Variants in MGST1 observed in about 807,000 individuals in gnomAD.
The protein encoded by MGST1 is glutathione S-transferase 12.
A neutral mutation model predicts 8.9 loss-of-function variants in MGST1; 5 were observed. The ratio of observed to expected loss-of-function variants is 0.56; its 90% CI spans 0.29 to 1.19. MGST1 has a LOEUF of 1.19. Ranked by LOEUF, MGST1 falls within the 50% of genes most tolerant of loss-of-function variation. MGST1 has a pLI of 0.08. For missense variants in MGST1, 182 were observed against 187.4 expected (o/e 0.97, Z 0.17); for synonymous variants, 54 against 67.8 (o/e 0.80, Z 1.00).
chr12:16,456,669 A>G (rs1283748896), intron 4 of MGST1, among the ~76,000 whole-genome samples: 1 of 151,924 alleles, frequency 6.6e-6, no homozygotes, highest in African/African-American at 2.4e-5. Context: ...TTTTGGAAGT[A>G]TTATAAATTA....
At chr12:16,468,230 A>T (rs1365019349) in intron 4 of MGST1, among the ~76,000 whole-genome samples, 1 of 152,178 alleles carries the variant, frequency 6.6e-6, no homozygotes, top group African/African-American at 2.4e-5. Context: ...AAAGGTGAGT[A>T]TCGGCATCAT....
chr12:16,485,135 A>G (rs993999741), intron 4 of MGST1, among the ~76,000 whole-genome samples: 9 of 152,110 alleles, frequency 5.9e-5, no homozygotes, highest in Admixed American at 3.9e-4. Context: ...TTAAAACCCT[A>G]TCTGCTCTTG....
At chr12:16,399,781 C>G in intron 1 of MGST1, 1 of 1,185,878 alleles carries the variant, frequency 8.4e-7, no homozygotes, top group Non-Finnish European at 1.3e-6. Context: ...TTCAACCATT[C>G]CTTGATGGGT....
At chr12:16,387,460 A>T (rs7964084) in intron 1 of MGST1, among the ~76,000 whole-genome samples, 242 of 151,814 alleles carry the variant, frequency 1.6e-3, no homozygotes, top group Non-Finnish European at 2.0e-3. Flanking sequence ...CCACTCACTC[A>T]CTGACTCACC....
rs1211996312 is a variant in MGST1, at chr12:16,547,236, T to TAA, written n.483-42291_483-42290dup. Among the ~76,000 whole-genome samples the TAA allele has an allele frequency of 6.6e-6, 1 of 152,110 alleles. No individual in the cohort carries two copies. The highest frequency in any genetic ancestry group is 1.5e-5 in the Non-Finnish European group (1 of 68,012). On this transcript the variant is annotated intron_variant and non_coding_transcript_variant, in intron 4 of 4. Coordinates refer to the MGST1 transcript ENST00000538857. The surrounding 1 kb of genome is among the most constrained non-coding windows in gnomAD (Gnocchi z 4.6). Reference sequence around the variant, plus strand: ...AAACTTGACACTGGTTTCAGCCAAATAATGGACCAGTTGCAAACAACGAAT... The same window carrying TAA: ...AAACTTGACACTGGTTTCAGCCAAATAAAATGGACCAGTTGCAAACAACGAAT...
At chr12:16,592,259 C>A (rs1280883429), downstream of MGST1, among the ~76,000 whole-genome samples, 1 of 151,982 alleles carries the variant, frequency 6.6e-6, no homozygotes, top group East Asian at 1.9e-4. Context: ...ATCATAAACA[C>A]AAACCCCAAT....
chr12:16,429,368 T>A (rs1299451849), intron 1 of MGST1, among the ~76,000 whole-genome samples: 1 of 152,150 alleles, frequency 6.6e-6, no homozygotes, highest in Non-Finnish European at 1.5e-5. Context: ...CTTTTGATAG[T>A]CTTAACTGGC....
chr12:16,362,697 C>T lies in MGST1; in HGVS notation c.222-1098C>T, dbSNP rs1183007048. On this transcript the variant is annotated intron_variant, in intron 3 of 3. Coordinates refer to ENST00000396210, the MANE Select transcript of MGST1 (RefSeq NM_020300.5). The surrounding 1 kb of genome is among the most constrained non-coding windows in gnomAD (Gnocchi z 4.4). ...GCATGATGGCTTGCACCTATAAACC[C>T]AGTGTTTTGGGAGGCTGAGGCTGGA... The T allele has an allele frequency of 6.6e-6, 1 of 151,994 alleles. No homozygotes were observed. The highest frequency in any genetic ancestry group is 1.5e-5 in the Non-Finnish European group (1 of 68,016). The allele number at this position is 151,994 out of a possible 1,614,324, so 9.4% of individuals were successfully genotyped here.
Position 16,576,946 on chromosome 12 carries a change from C to G in MGST1, n.483-12582C>G, listed in dbSNP as rs555764112. Among the ~76,000 whole-genome samples, 24 of 152,172 alleles carry G rather than the reference C, an allele frequency of 1.6e-4. No individual in the cohort carries two copies. The highest frequency in any genetic ancestry group is 1.2e-3 in the South Asian group (6 of 4,818). On this transcript the variant is annotated intron_variant and non_coding_transcript_variant, in intron 4 of 4. Coordinates refer to the MGST1 transcript ENST00000538857. The surrounding 1 kb of genome is among the most constrained non-coding windows in gnomAD (Gnocchi z 4.1). The stretch of plus-strand genomic sequence containing the variant: ...TAAACTATCTATTTTAGAAATAACC[C>G]AATAAGGGCAAAGCTATATGAGTAA...
intron 4 of MGST1, among the ~76,000 whole-genome samples, chr12:16,588,323 A>C (rs1337606688): frequency 6.6e-6 from 1 of 152,050 alleles, no homozygotes; most frequent in African/African-American, 2.4e-5. Context: ...TGTTTAAAGA[A>C]CACTGTGAAA....
chr12:16,450,833 A>G (rs1274063960), intron 4 of MGST1, among the ~76,000 whole-genome samples: 1 of 111,880 alleles, frequency 8.9e-6, no homozygotes. Context: ...TCAAATATAT[A>G]TATTCCGTGT....
At chr12:16,558,697 C>T (rs16912023) in intron 4 of MGST1, among the ~76,000 whole-genome samples, 18,302 of 151,996 alleles carry the variant, frequency 0.12, 3,220 homozygotes, top group African/African-American at 0.39. Context: ...GTAACTATTA[C>T]ATTATAAGGT....
rs900541188 is a variant in MGST1, at chr12:16,413,228, C to T, written n.779-24160C>T. On this transcript the variant is annotated intron_variant and non_coding_transcript_variant, in intron 1 of 1. Transcript: ENST00000359720. The surrounding 1 kb of genome is among the most constrained non-coding windows in gnomAD (Gnocchi z 4.0). The stretch of plus-strand genomic sequence containing the variant: ...TCTGCAGGAGCTAAACTGGTATCTA[C>T]GGATGCTGTGTTGCCATTTGGGCAA... Among the ~76,000 whole-genome samples, 6 of 152,282 alleles carry T rather than the reference C, an allele frequency of 3.9e-5. No homozygotes were observed. Among genetic ancestry groups the T allele is most frequent in the East Asian group, 1.9e-4 (1 of 5,178 alleles).
At chr12:16,545,323 G>A (rs116271393) in intron 4 of MGST1, among the ~76,000 whole-genome samples, 1,718 of 152,128 alleles carry the variant, frequency 0.011, 35 homozygotes, top group African/African-American at 0.04. Context: ...ATAAGTAGCA[G>A]CAAACATTAT....
At chr12:16,439,924 C>G (rs2137101918), downstream of MGST1, among the ~76,000 whole-genome samples, 1 of 151,920 alleles carries the variant, frequency 6.6e-6, no homozygotes, top group Non-Finnish European at 1.5e-5. Context: ...ATTTTAACAT[C>G]AAAGCTCAAA....
At chr12:16,371,802 A>G (rs1388324624) in intron 3 of MGST1, among the ~76,000 whole-genome samples, 1 of 152,076 alleles carries the variant, frequency 6.6e-6, no homozygotes, top group African/African-American at 2.4e-5. Flanking sequence ...CTTAGCTCAC[A>G]AAGTCTAAAA....
At position 16,517,205 on chromosome 12, in the gene MGST1, ACT is replaced by A. The variant is rs942005057; in HGVS notation, n.483-72320_483-72319del. ...TCGAATATATGAGATCTAATGAAAGACTCTTAGAAGGCAGGTGCTATGATTTG... is the reference window on the plus strand; with the variant it reads ...TCGAATATATGAGATCTAATGAAAGACTTAGAAGGCAGGTGCTATGATTTG... On this transcript the variant is annotated intron_variant and non_coding_transcript_variant, in intron 4 of 4. Coordinates refer to the MGST1 transcript ENST00000538857. This position sits in a 1 kb window ranked among gnomAD's most constrained non-coding sequence, Gnocchi z 4.2. 6.6e-6 allele frequency among the ~76,000 whole-genome samples: 1 copy of A among 152,146 alleles called. No homozygotes were observed. The highest frequency in any genetic ancestry group is 1.5e-5 in the Non-Finnish European group (1 of 68,036).
intron 1 of MGST1, among the ~76,000 whole-genome samples, chr12:16,409,708 C>T (rs1474173915): frequency 6.6e-6 from 1 of 152,078 alleles, no homozygotes; most frequent in South Asian, 2.1e-4. Flanking sequence ...GTTAAGTCAG[C>T]CTTTAACTAT....
chr12:16,434,994 T>C (rs934900904), intron 1 of MGST1, among the ~76,000 whole-genome samples: 2 of 152,036 alleles, frequency 1.3e-5, no homozygotes, highest in Non-Finnish European at 2.9e-5. Context: ...TTGCTAATTT[T>C]ACATTTATCC....
Sources: allele counts gnomAD v4.1 joint callset (sites outside exome capture counted in the v4.1 genomes callset), GRCh38; gene constraint gnomAD v4.1.1; non-coding constraint Gnocchi (gnomAD v3.1); transcripts MANE v1.5; gene names NCBI Gene and HGNC (gene_info 2026-07-23, HGNC 2026-07-21).